The following LTBP1 variants were observed in gnomAD, a reference collection of about 807,000 sequenced individuals.
The protein encoded by LTBP1 is latent-transforming growth factor beta-binding protein 1.
In LTBP1, 129 loss-of-function variants were observed where a neutral mutation model predicts 207.6. The observed-to-expected ratio is 0.62, with a 90% CI of 0.54 to 0.72. LTBP1 has a LOEUF of 0.72. Ranked by LOEUF, LTBP1 falls within the 30% of genes least tolerant of loss-of-function variation. The pLI, the probability that LTBP1 is intolerant of heterozygous loss-of-function variation, is 0.00. For missense variants in LTBP1, 2,281 were observed against 2,217.2 expected (o/e 1.03, Z -0.58); for synonymous variants, 963 against 833.7 (o/e 1.16, Z -2.67).
intron 2 of LTBP1, among the ~76,000 whole-genome samples, chr2:33,008,512 G>T (rs868234707): frequency 6.6e-6 from 1 of 152,162 alleles, no homozygotes; most frequent in African/African-American, 2.4e-5. Context: ...AATTAACACT[G>T]TGTGTAATTT....
intron 25 of LTBP1, among the ~76,000 whole-genome samples, chr2:33,343,625 G>A (rs374500132): frequency 3.0e-4 from 46 of 152,272 alleles, no homozygotes; most frequent in Admixed American, 9.2e-4. Flanking sequence ...TAGACAGTGC[G>A]TTTAAGGCAA....
At chr2:33,050,915 G>A (rs1485917720) in intron 3 of LTBP1, among the ~76,000 whole-genome samples, 2 of 151,984 alleles carry the variant, frequency 1.3e-5, no homozygotes, top group Non-Finnish European at 2.9e-5. Flanking sequence ...TATATTTTTA[G>A]TAGAGACAGG....
chr2:33,057,342 C>T (rs901634263), intron 3 of LTBP1, among the ~76,000 whole-genome samples: 1 of 152,234 alleles, frequency 6.6e-6, no homozygotes, highest in African/African-American at 2.4e-5. Context: ...CCCCACTAGA[C>T]TCAGGAGCCC....
At chr2:33,003,730 C>T (rs1324694474) in intron 2 of LTBP1, among the ~76,000 whole-genome samples, 4 of 152,160 alleles carry the variant, frequency 2.6e-5, no homozygotes, top group Admixed American at 6.5e-5. Context: ...TTGTAAGAAT[C>T]AGAATGTCAC....
chr2:33,258,039 A>G (rs2147881433), intron 12 of LTBP1, among the ~76,000 whole-genome samples: 1 of 152,318 alleles, frequency 6.6e-6, no homozygotes, highest in Middle Eastern at 3.4e-3. Context: ...TAGAGAGGGG[A>G]CATGACTTGC....
intron 2 of LTBP1, among the ~76,000 whole-genome samples, chr2:32,990,862 A>G (rs1684302000): frequency 6.6e-6 from 1 of 152,148 alleles, no homozygotes; most frequent in Admixed American, 6.5e-5. Context: ...TGAAGAAATT[A>G]CTCAGTTCCT....
In LTBP1 at chr2:33,277,829, C is replaced by CT. The variant is rs199950784; in HGVS notation, c.2992+1925dup. On this transcript the variant is annotated intron_variant, in intron 18 of 33. Coordinates refer to ENST00000404816, the MANE Select transcript of LTBP1 (RefSeq NM_206943.4). ...TCTTTCTTTTTTTCTTTCTTTCTTT[C>CT]TTTTTTTTTTTTTTTTTTTAAAGAC... 7.9e-3 allele frequency among the ~76,000 whole-genome samples: 675 copies of CT among 85,174 alleles called. 16 individuals carry two copies. The highest frequency in any genetic ancestry group is 0.011 in the South Asian group (29 of 2,624). The allele number at this position is 85,174 out of a possible 152,430, so 55.9% of individuals were successfully genotyped here. A position where few individuals can be genotyped will look rare whatever the true frequency, so the allele number is the denominator to read the frequency against.
chr2:33,034,542 G>C (rs1036398475), intron 3 of LTBP1, among the ~76,000 whole-genome samples: 2 of 152,142 alleles, frequency 1.3e-5, no homozygotes, highest in Non-Finnish European at 2.9e-5. Context: ...CATCTAGAAT[G>C]ATGACAGGCC....
chr2:33,363,454 G>C lies in LTBP1; in HGVS notation c.4335G>C (p.Arg1445=), dbSNP rs1446701140. Reference sequence around the variant, plus strand: ...AAAATGGTTTCTGTTTGAACACTCGGCCTGGGTATGAATGCTACTGTAAGC... The same window carrying C: ...AAAATGGTTTCTGTTTGAACACTCGCCCTGGGTATGAATGCTACTGTAAGC... ...ICKNGFCLNT[R]PGYECYCKQG... Residue 1445 remains arginine, a synonymous_variant, in exon 29 of 34, where the codon CGG becomes CGC. Transcript: ENST00000404816. 1.2e-6 allele frequency: 2 copies of C among 1,613,784 alleles called. No individual in the cohort carries two copies. Among genetic ancestry groups the C allele is most frequent in the East Asian group, 4.5e-5 (2 of 44,882 alleles).
intron 23 of LTBP1, among the ~76,000 whole-genome samples, chr2:33,312,600 C>T (rs997538639): frequency 4.6e-5 from 7 of 152,064 alleles, no homozygotes; most frequent in African/African-American, 1.7e-4. Context: ...TTTAGAAATG[C>T]CTCAATAAGT....
intron 23 of LTBP1, among the ~76,000 whole-genome samples, chr2:33,313,227 G>A (rs2094212749): frequency 6.6e-6 from 1 of 152,216 alleles, no homozygotes; most frequent in African/African-American, 2.4e-5. Context: ...TGTTAAGAAA[G>A]TATGAGTAAT....
At chr2:33,277,563 T>G (rs886207008) in intron 18 of LTBP1, among the ~76,000 whole-genome samples, 2 of 152,248 alleles carry the variant, frequency 1.3e-5, no homozygotes, top group Admixed American at 6.5e-5. Context: ...GCCTGTCACT[T>G]TGTTAGTTTT....
chr2:33,393,234 CT>C (rs569734292), intron 32 of LTBP1, among the ~76,000 whole-genome samples: 1,150 of 48,822 alleles, frequency 0.024, 4 homozygotes, highest in East Asian at 0.057. Context: ...CCTTCTTCTT[CT>C]TTTTTTTTTT....
chr2:33,098,053 G>C (rs564920041), intron 3 of LTBP1, among the ~76,000 whole-genome samples: 1 of 152,152 alleles, frequency 6.6e-6, no homozygotes, highest in African/African-American at 2.4e-5. Context: ...TACAATTCTT[G>C]TTTCTATTAG....
chr2:33,053,335 A>G (rs1328151884), intron 3 of LTBP1, among the ~76,000 whole-genome samples: 1 of 152,198 alleles, frequency 6.6e-6, no homozygotes, highest in Non-Finnish European at 1.5e-5. Context: ...GCTACAAATG[A>G]TGAACCTACA....
chr2:33,377,504 A>G (rs3845775), intron 31 of LTBP1, among the ~76,000 whole-genome samples: 18,953 of 152,242 alleles, frequency 0.12, 1,301 homozygotes, highest in African/African-American at 0.17. Context: ...GCTATACTGC[A>G]TGGAAGTGCT....
intron 2 of LTBP1, among the ~76,000 whole-genome samples, chr2:32,951,049 C>G (rs891982899): frequency 6.6e-6 from 1 of 152,144 alleles, no homozygotes; most frequent in Non-Finnish European, 1.5e-5. Flanking sequence ...GACTGCTGGT[C>G]AGAAAAATCA....
chr2:33,157,045 C>A (rs1052185914), intron 5 of LTBP1, among the ~76,000 whole-genome samples: 1 of 152,146 alleles, frequency 6.6e-6, no homozygotes, highest in Non-Finnish European at 1.5e-5. Context: ...GACTGAAGAG[C>A]AGAGGTTTTG....
At chr2:32,969,676 T>G (rs1412846299) in intron 2 of LTBP1, among the ~76,000 whole-genome samples, 1 of 152,214 alleles carries the variant, frequency 6.6e-6, no homozygotes, top group African/African-American at 2.4e-5. Flanking sequence ...AATCTACTGT[T>G]GATGGACATG....
Sources: allele counts gnomAD v4.1 joint callset (sites outside exome capture counted in the v4.1 genomes callset), GRCh38; gene constraint gnomAD v4.1.1; transcripts MANE v1.5; gene names NCBI Gene and HGNC (gene_info 2026-07-23, HGNC 2026-07-21).